Variants in ANKS1B observed in about 807,000 individuals in gnomAD.
ANKS1B encodes ankyrin repeat and sterile alpha motif domain-containing protein 1B.
In ANKS1B, 36 loss-of-function variants were observed where a neutral mutation model predicts 148.3. The ratio of observed to expected loss-of-function variants is 0.24; its 90% CI spans 0.19 to 0.32. The LOEUF is 0.32. Ranked by LOEUF, ANKS1B falls within the 10% of genes least tolerant of loss-of-function variation. ANKS1B has a pLI of 1.00. For missense variants in ANKS1B, 1,157 were observed against 1,542.6 expected (o/e 0.75, Z 4.19); for synonymous variants, 542 against 560.8 (o/e 0.97, Z 0.47).
At chr12:99,469,945 C>T (rs569349439) in intron 10 of ANKS1B, among the ~76,000 whole-genome samples, 66 of 151,676 alleles carry the variant, frequency 4.4e-4, no homozygotes, top group Non-Finnish European at 8.0e-4. Context: ...CATAGGAGAC[C>T]CCCGTATCTT....
chr12:99,172,623 A>T (rs988128773), intron 14 of ANKS1B, among the ~76,000 whole-genome samples: 3 of 152,202 alleles, frequency 2.0e-5, no homozygotes, highest in African/African-American at 7.2e-5. Flanking sequence ...CTTCCCATAG[A>T]GAAGACTTGG....
chr12:99,448,028 G>C (rs1486337525), intron 10 of ANKS1B, among the ~76,000 whole-genome samples: 1 of 151,960 alleles, frequency 6.6e-6, no homozygotes, highest in African/African-American at 2.4e-5. Context: ...ACAGCCATTA[G>C]AGAGAATAGT....
intron 17 of ANKS1B, among the ~76,000 whole-genome samples, chr12:98,834,509 A>T (rs2099350917): frequency 6.6e-6 from 1 of 152,196 alleles, no homozygotes. Flanking sequence ...AAGCCCTTTA[A>T]TCTAGGAGGG....
At chr12:99,764,421 C>T (rs1478928556) in intron 8 of ANKS1B, among the ~76,000 whole-genome samples, 2 of 151,894 alleles carry the variant, frequency 1.3e-5, no homozygotes, top group Non-Finnish European at 2.9e-5. Flanking sequence ...GAGAGTAATC[C>T]ATTTTATTTA....
chr12:98,887,423 G>A (rs1345991995), intron 17 of ANKS1B, among the ~76,000 whole-genome samples: 2 of 151,950 alleles, frequency 1.3e-5, no homozygotes, highest in Admixed American at 1.3e-4. Context: ...TTCTTAAAGA[G>A]GGCCCCCAAA....
At chr12:99,433,813 A>T (rs956297850) in intron 11 of ANKS1B, among the ~76,000 whole-genome samples, 1 of 152,144 alleles carries the variant, frequency 6.6e-6, no homozygotes, top group Non-Finnish European at 1.5e-5. Flanking sequence ...GACTGAGAAT[A>T]GGTCTGAGGA....
At chr12:99,397,329 G>A (rs2094278344) in intron 12 of ANKS1B, among the ~76,000 whole-genome samples, 1 of 152,098 alleles carries the variant, frequency 6.6e-6, no homozygotes, top group South Asian at 2.1e-4. Flanking sequence ...AGCATAAAGA[G>A]ATCAAGTCTC....
chr12:99,384,091 G>C (rs775349896), intron 12 of ANKS1B, among the ~76,000 whole-genome samples: 13 of 152,092 alleles, frequency 8.5e-5, no homozygotes, highest in Non-Finnish European at 5.9e-5. Flanking sequence ...AGCTCAAAGA[G>C]AGCAGAGATT....
intron 14 of ANKS1B, 110 bp from the exon 15 acceptor site, chr12:99,154,505 G>C: frequency 6.2e-7 from 1 of 1,607,706 alleles, no homozygotes; most frequent in Non-Finnish European, 8.5e-7. Flanking sequence ...CCCTGGGAAA[G>C]TTGCTATCAA....
At chr12:99,014,249 C>T (rs974720773) in intron 17 of ANKS1B, among the ~76,000 whole-genome samples, 2 of 151,958 alleles carry the variant, frequency 1.3e-5, no homozygotes, top group Non-Finnish European at 2.9e-5. Flanking sequence ...CTTCGACAAA[C>T]CTGACAAAAA....
At chr12:99,182,472 G>A (rs2153861191) in intron 14 of ANKS1B, among the ~76,000 whole-genome samples, 1 of 152,208 alleles carries the variant, frequency 6.6e-6, no homozygotes, top group Non-Finnish European at 1.5e-5. Flanking sequence ...CTGTTCCATC[G>A]TTGTTGCTGC....
Position 99,841,335 on chromosome 12 carries a change from C to T in ANKS1B, c.135-15946G>A, listed in dbSNP as rs560298461. Among the ~76,000 whole-genome samples the T allele has an allele frequency of 5.3e-5, 8 of 151,950 alleles. No homozygotes were observed. The South Asian group carries it at 1.0e-3, about 20-fold the overall frequency. ...TTTAATACATTAACATATTTAATGT[C>T]GGATGAGAAGCATCTCTACACTACT... On this transcript the variant is annotated intron_variant, in intron 1 of 26. Transcript: ENST00000683438.
chr12:98,777,466 A>G (rs2098690767), intron 24 of ANKS1B, among the ~76,000 whole-genome samples: 1 of 152,218 alleles, frequency 6.6e-6, no homozygotes. Flanking sequence ...CACTGAATGT[A>G]GAAACCGTGT....
chr12:99,092,420 A>T (rs2054342212), intron 15 of ANKS1B, among the ~76,000 whole-genome samples: 1 of 151,638 alleles, frequency 6.6e-6, no homozygotes, highest in Non-Finnish European at 1.5e-5. Context: ...ATGAAAGGAA[A>T]ACAGTTAGCA....
chr12:99,720,317 T>C (rs556306721), intron 8 of ANKS1B, among the ~76,000 whole-genome samples: 1 of 152,162 alleles, frequency 6.6e-6, no homozygotes, highest in Non-Finnish European at 1.5e-5. Context: ...GTGTAGACAC[T>C]TTCACTGGAT....
chr12:98,808,974 G>T (rs2099072812), intron 19 of ANKS1B, among the ~76,000 whole-genome samples: 1 of 152,152 alleles, frequency 6.6e-6, no homozygotes, highest in Non-Finnish European at 1.5e-5. Flanking sequence ...GCAAACAAAT[G>T]ATAGAAAAGA....
chr12:99,652,572 GTATCTCAA>G (rs2098427215), intron 9 of ANKS1B, among the ~76,000 whole-genome samples: 1 of 151,922 alleles, frequency 6.6e-6, no homozygotes, highest in African/African-American at 2.4e-5. Context: ...CCCAAAACCT[GTATCTCAA>G]GTACATTTAT....
Position 99,246,543 on chromosome 12 carries a change from C to G in ANKS1B, c.2078G>C (p.Arg693Thr), listed in dbSNP as rs1463479004. The change falls in exon 13 of 27, where the codon AGG (arginine) becomes ACG (threonine). Residue 693 changes from arginine (R) to threonine (T), a missense_variant. Coordinates refer to ENST00000683438, the MANE Select transcript of ANKS1B (RefSeq NM_001352186.2). ...CTGGTCCCCATTCCGAGATCCACTCCTGGTTGATCTTGTGCCAACAATGGT... is the reference window on the plus strand; with the variant it reads ...CTGGTCCCCATTCCGAGATCCACTCGTGGTTGATCTTGTGCCAACAATGGT... The part of the protein sequence containing the change: ...NHTIVGTRST[R>T]SGSRNGDQWV... 2 of 1,613,806 alleles carry G rather than the reference C, an allele frequency of 1.2e-6. No homozygotes were observed. The highest frequency in any genetic ancestry group is 1.7e-6 in the Non-Finnish European group (2 of 1,179,884).
At chr12:99,449,286 C>G (rs767324165) in intron 10 of ANKS1B, among the ~76,000 whole-genome samples, 24 of 152,110 alleles carry the variant, frequency 1.6e-4, no homozygotes, top group Non-Finnish European at 2.6e-4. Context: ...CTCATGCAAT[C>G]CTGTTCCGCT....
Sources: gnomAD v4.1 joint callset for allele counts (sites outside exome capture counted in the v4.1 genomes callset) on GRCh38, gnomAD v4.1.1 for gene constraint, MANE v1.5 for transcripts, NCBI Gene and HGNC (gene_info 2026-07-23, HGNC 2026-07-21) for gene names.